CRYBG3: variants seen among roughly 807,000 people sequenced by gnomAD.
CRYBG3 encodes the protein very large A-kinase anchor protein.
A neutral mutation model predicts 244.2 loss-of-function variants in CRYBG3; 127 were observed. That is an observed-to-expected ratio of 0.52 (90% confidence interval 0.45 to 0.60). The LOEUF (loss-of-function observed/expected upper bound fraction) is 0.60. Among genes scored for constraint, CRYBG3 ranks in the 20% least tolerant of loss-of-function variants. The pLI is 0.00. For synonymous variants in CRYBG3, 1,132 were observed against 1,195.8 expected, an observed-to-expected ratio of 0.95 and a Z score of 1.10; for missense variants, 3,325 against 3,442.5, an observed-to-expected ratio of 0.97 and a Z score of 0.85.
chr3:97,832,005 T>G (rs3907775), intron 1 of CRYBG3, among the ~76,000 whole-genome samples: 104,336 of 151,822 alleles, frequency 0.69, 38,302 homozygotes, highest in East Asian at 0.82. Context: ...TATCATTGTT[T>G]CCAAACTTTT....
At chr3:97,849,382 A>T (rs551965803) in intron 2 of CRYBG3, among the ~76,000 whole-genome samples, 33 of 152,258 alleles carry the variant, frequency 2.2e-4, no homozygotes, top group Admixed American at 5.9e-4. Context: ...ACATACAAGA[A>T]GGCATACCAT....
At position 97,881,111 on chromosome 3, in the gene CRYBG3, A is replaced by C; in HGVS notation, c.7044A>C (p.Lys2348Asn). ...LYEKPHFRGQ[K>N]CVLEEGEKVL... is the part of the protein sequence containing the mutation. Reference sequence around the variant, plus strand: ...AGAAACCACATTTCCGAGGTCAGAAATGTGTGCTAGAAGAAGGGGAAAAGG... The same window carrying C: ...AGAAACCACATTTCCGAGGTCAGAACTGTGTGCTAGAAGAAGGGGAAAAGG... The change falls in exon 7 of 22, where the codon AAA becomes AAC. Residue 2348 changes from lysine to asparagine, a missense_variant. Transcript: ENST00000389622. 6.2e-7 allele frequency: 1 copy of C among 1,608,266 alleles called. No individual in the cohort carries two copies. Among genetic ancestry groups the C allele is most frequent in the Non-Finnish European group, 8.5e-7 (1 of 1,177,662 alleles).
At chr3:97,904,719 A>G (rs1468876563) in intron 15 of CRYBG3, among the ~76,000 whole-genome samples, 1 of 130,524 alleles carries the variant, frequency 7.7e-6, no homozygotes, top group African/African-American at 2.9e-5. Context: ...TAAGTTTCTG[A>G]GTCTTTTTTT....
intron 15 of CRYBG3, among the ~76,000 whole-genome samples, chr3:97,911,748 C>T (rs1426959622): frequency 2.0e-5 from 3 of 152,218 alleles, no homozygotes; most frequent in Non-Finnish European, 2.9e-5. Flanking sequence ...CATGTAGCCT[C>T]ATACTAATCT....
At chr3:97,883,276 A>G (rs1387679859) in intron 7 of CRYBG3, among the ~76,000 whole-genome samples, 1 of 152,192 alleles carries the variant, frequency 6.6e-6, no homozygotes, top group Admixed American at 6.6e-5. Context: ...AACTGTAGTC[A>G]GTTCAGTTCT....
chr3:97,834,722 T>C (rs189125307), intron 1 of CRYBG3, among the ~76,000 whole-genome samples: 224 of 152,248 alleles, frequency 1.5e-3, no homozygotes, highest in African/African-American at 5.3e-3. Flanking sequence ...ATAAAAAATT[T>C]TTGGCAATGT....
chr3:97,883,770 T>C (rs1285587247), intron 7 of CRYBG3, among the ~76,000 whole-genome samples: 1 of 152,192 alleles, frequency 6.6e-6, no homozygotes, highest in Non-Finnish European at 1.5e-5. Context: ...TTTTACAAAG[T>C]AATAATTAGG....
intron 18 of CRYBG3, among the ~76,000 whole-genome samples, chr3:97,934,069 G>T (rs577181449): frequency 2.0e-5 from 3 of 152,208 alleles, no homozygotes; most frequent in African/African-American, 7.2e-5. Context: ...AGCAACTTTG[G>T]TTAAGACAAT....
At chr3:97,915,858 T>G (rs2039923406) in intron 17 of CRYBG3, 122 bp downstream of exon 17, 3 of 788,200 alleles carry the variant, frequency 3.8e-6, no homozygotes, top group Non-Finnish European at 5.6e-6. Context: ...CTGAAAAATA[T>G]GAATAATTCA....
chr3:97,867,777 A>G (rs1260793112), intron 3 of CRYBG3, among the ~76,000 whole-genome samples: 1 of 152,202 alleles, frequency 6.6e-6, no homozygotes, highest in Admixed American at 6.5e-5. Context: ...GTGAAAATTC[A>G]AATGATATAG....
intron 17 of CRYBG3, among the ~76,000 whole-genome samples, chr3:97,927,120 G>T (rs1374949551): frequency 6.6e-6 from 1 of 152,006 alleles, no homozygotes; most frequent in South Asian, 2.1e-4. Context: ...GCAATCCTAA[G>T]CAAAAAGAAC....
chr3:97,877,224 G>C lies in CRYBG3; in HGVS notation c.6030G>C (p.Glu2010Asp). 1 of 1,613,958 alleles carries C rather than the reference G, an allele frequency of 6.2e-7. No individual in the cohort carries two copies. ...TATACGAAGAGCCCCTTCAAGAGGAGGACAAGTATGCTTCCGCAGAAGCAA... is the reference window on the plus strand; with the variant it reads ...TATACGAAGAGCCCCTTCAAGAGGACGACAAGTATGCTTCCGCAGAAGCAA... Reference protein sequence around the residue: ...TILYEEPLQEEDKYASAEARQ... With the variant: ...TILYEEPLQEDDKYASAEARQ... The change falls in exon 4 of 22, where the codon GAG becomes GAC. Residue 2010 changes from glutamate (E) to aspartate (D), a missense_variant. Coordinates refer to ENST00000389622, the MANE Select transcript of CRYBG3 (RefSeq NM_153605.4).
At position 97,876,056 on chromosome 3, in the gene CRYBG3, C is replaced by A. The variant is rs977035415; in HGVS notation, c.4862C>A (p.Ala1621Asp). The change falls in exon 4 of 22, where the codon GCT becomes GAT. Residue 1621 changes from alanine (A) to aspartate (D), a missense_variant. Around this residue, in one of 4 missense-constraint regions of CRYBG3, gnomAD observed 635 missense variants for 771.7 expected, o/e 0.82. Transcript: ENST00000389622. Reference protein sequence around the residue: ...GSAVILGMEKAYKMKDTEGDI... With the variant: ...GSAVILGMEKDYKMKDTEGDI... ...GCTGTCATTTTAGGAATGGAAAAAG[C>A]TTATAAGATGAAGGATACTGAAGGG... is the stretch of plus-strand genomic sequence containing the variant. The A allele has an allele frequency of 2.4e-6, 3 of 1,231,778 alleles. No individual in the cohort carries two copies. The African/African-American group carries it at 4.7e-5, about 19-fold the overall frequency. 76.3% of individuals were successfully genotyped at this position (1,231,778 alleles called of 1,614,324 possible). A position where few individuals can be genotyped will look rare whatever the true frequency, so the allele number is the denominator to read the frequency against.
intron 1 of CRYBG3, among the ~76,000 whole-genome samples, chr3:97,834,556 G>T (rs2038703855): frequency 6.6e-6 from 1 of 152,102 alleles, no homozygotes; most frequent in Admixed American, 6.6e-5. Context: ...AATAACTGGG[G>T]ACAAATTAGG....
At chr3:97,910,171 T>C (rs2039850041) in intron 15 of CRYBG3, among the ~76,000 whole-genome samples, 1 of 151,484 alleles carries the variant, frequency 6.6e-6, no homozygotes, top group Admixed American at 6.6e-5. Flanking sequence ...CAGGGACATT[T>C]AAGTCTGCAG....
chr3:97,868,228 G>A (rs1050243029), intron 3 of CRYBG3, among the ~76,000 whole-genome samples: 1 of 149,864 alleles, frequency 6.7e-6, no homozygotes, highest in Admixed American at 6.7e-5. Context: ...AGCTTGCAGT[G>A]AGCCGAGATA....
chr3:97,911,810 C>G (rs560382675), intron 15 of CRYBG3, among the ~76,000 whole-genome samples: 8 of 152,282 alleles, frequency 5.3e-5, no homozygotes, highest in African/African-American at 1.9e-4. Flanking sequence ...TACATCTAGT[C>G]TCAACATAGG....
intron 8 of CRYBG3, among the ~76,000 whole-genome samples, chr3:97,888,062 T>C (rs1356936772): frequency 6.6e-6 from 1 of 152,196 alleles, no homozygotes; most frequent in Non-Finnish European, 1.5e-5. Flanking sequence ...GTGCCACGTG[T>C]TTTAGGTATC....
rs371560777 is a variant in CRYBG3 at position 97,912,190 on chromosome 3, G to A, written c.8028G>A (p.Gly2676=). The A allele has an allele frequency of 1.5e-4, 238 of 1,601,898 alleles. No individual in the cohort carries two copies. The highest frequency in any genetic ancestry group is 2.0e-4 in the Non-Finnish European group (231 of 1,173,764). ...PHLLKAFSKP[G]FQGECIDFTE... is the part of the protein sequence containing the mutation. ...AGCTCAAAGCATTCAGCAAACCAGG[G>A]TTCCAAGGTGAATGTATAGATTTTA... The change falls in exon 16 of 22, where the codon GGG becomes GGA. Residue 2676 remains glycine, a synonymous_variant. Coordinates refer to ENST00000389622, the MANE Select transcript of CRYBG3 (RefSeq NM_153605.4).
Sources: gnomAD v4.1 joint callset for allele counts (sites outside exome capture counted in the v4.1 genomes callset) on GRCh38, gnomAD v4.1.1 for gene constraint, gnomAD v4.1.1 regional missense constraint, MANE v1.5 for transcripts, NCBI Gene and HGNC (gene_info 2026-07-23, HGNC 2026-07-21) for gene names.